GRID1: variants seen among roughly 807,000 people sequenced by gnomAD.
The protein encoded by GRID1 is glutamate ionotropic receptor delta type subunit 1, also known as glutamate receptor ionotropic, delta-1.
In GRID1, 28 loss-of-function variants were observed where a neutral mutation model predicts 98.0. The observed-to-expected ratio is 0.29, with a 90% CI of 0.21 to 0.39. The LOEUF (loss-of-function observed/expected upper bound fraction) is 0.39, where lower values mean the gene tolerates loss of function less well. Ranked by LOEUF, GRID1 falls within the 10% of genes least tolerant of loss-of-function variation. GRID1 has a pLI of 1.00. For missense variants in GRID1, 1,111 were observed against 1,340.5 expected (o/e 0.83, Z 2.67); for synonymous variants, 553 against 538.5 (o/e 1.03, Z -0.37).
chr10:86,169,126 G>A (rs570297799), intron 3 of GRID1, among the ~76,000 whole-genome samples: 17 of 152,328 alleles, frequency 1.1e-4, no homozygotes, highest in African/African-American at 3.8e-4. Flanking sequence ...AGACCGGACT[G>A]CAACAAGAAG....
intron 4 of GRID1, among the ~76,000 whole-genome samples, chr10:85,994,046 C>T (rs1033516249): frequency 6.6e-6 from 1 of 152,194 alleles, no homozygotes; most frequent in Non-Finnish European, 1.5e-5. Flanking sequence ...TCCTGCCCTG[C>T]TGAGCCATCT....
intron 4 of GRID1, among the ~76,000 whole-genome samples, chr10:86,020,807 TG>T (rs996782418): frequency 2.0e-5 from 3 of 152,216 alleles, no homozygotes; most frequent in South Asian, 2.1e-4. Context: ...AGCATCTTCC[TG>T]GTTCCTTGTG....
chr10:86,078,404 G>A (rs1843915487), intron 4 of GRID1, among the ~76,000 whole-genome samples: 1 of 152,236 alleles, frequency 6.6e-6, no homozygotes, highest in Non-Finnish European at 1.5e-5. Flanking sequence ...GGGACGGTCA[G>A]CAGCTGGCTG....
At chr10:86,331,233 T>C (rs1848137092) in intron 2 of GRID1, among the ~76,000 whole-genome samples, 1 of 152,186 alleles carries the variant, frequency 6.6e-6, no homozygotes, top group Non-Finnish European at 1.5e-5. Context: ...TATCATGGCC[T>C]CTTTAAGTGG....
intron 8 of GRID1, among the ~76,000 whole-genome samples, chr10:85,840,396 G>C (rs1249805497): frequency 6.6e-6 from 1 of 151,984 alleles, no homozygotes; most frequent in Admixed American, 6.6e-5. Context: ...AATAGGCAAA[G>C]GCTGGAAGCA....
chr10:86,341,787 G>A (rs536660455), intron 2 of GRID1, among the ~76,000 whole-genome samples: 2 of 152,322 alleles, frequency 1.3e-5, no homozygotes, highest in East Asian at 1.9e-4. Flanking sequence ...GGCCTGGACC[G>A]AGTGGCTTCC....
At chr10:86,226,050 G>A (rs1377723983) in intron 2 of GRID1, among the ~76,000 whole-genome samples, 1 of 152,056 alleles carries the variant, frequency 6.6e-6, no homozygotes, top group Admixed American at 6.5e-5. Flanking sequence ...GACCCTGCAG[G>A]TGGACAGGTA....
Position 86,356,238 on chromosome 10 carries a change from G to A in GRID1, c.235+7703C>T, listed in dbSNP as rs575966466. ...GACAAGTCGCTGAGTACACAGTGGG[G>A]TATCAATGGGAGCCACAGATTCTGC... On this transcript the variant is annotated intron_variant, in intron 2 of 15. Transcript: ENST00000327946. Among the ~76,000 whole-genome samples, 380 of 152,318 alleles carry A rather than the reference G, an allele frequency of 2.5e-3. 9 individuals carry two copies. The highest frequency in any genetic ancestry group is 0.017 in the Middle Eastern group (5 of 294).
chr10:86,208,135 G>C (rs1240926876), intron 2 of GRID1, among the ~76,000 whole-genome samples: 1 of 152,146 alleles, frequency 6.6e-6, no homozygotes, highest in Admixed American at 6.5e-5. Context: ...GGGAACATGT[G>C]GGAAGGGGAG....
intron 4 of GRID1, among the ~76,000 whole-genome samples, chr10:85,988,725 A>T (rs531210724): frequency 5.9e-5 from 9 of 152,300 alleles, no homozygotes; most frequent in African/African-American, 2.2e-4. Context: ...GGGCGCAGGA[A>T]TCTGTAGGGA....
chr10:86,324,190 T>A (rs1209672428), intron 2 of GRID1, among the ~76,000 whole-genome samples: 1 of 151,622 alleles, frequency 6.6e-6, no homozygotes, highest in Admixed American at 6.6e-5. Flanking sequence ...AAAAAAAAAA[T>A]TGGTTTTTAT....
chr10:86,319,839 A>C (rs182296577), intron 2 of GRID1, among the ~76,000 whole-genome samples: 1 of 152,252 alleles, frequency 6.6e-6, no homozygotes, highest in Non-Finnish European at 1.5e-5. Context: ...CTACTCTATC[A>C]AATTCCCTCC....
At chr10:85,620,310 G>A (rs1183887194) in intron 13 of GRID1, among the ~76,000 whole-genome samples, 1 of 152,178 alleles carries the variant, frequency 6.6e-6, no homozygotes, top group Admixed American at 6.5e-5. Flanking sequence ...GCTCTAAGAC[G>A]AGCTTCCTGG....
At chr10:85,977,903 G>A (rs1228411028) in intron 4 of GRID1, among the ~76,000 whole-genome samples, 1 of 152,172 alleles carries the variant, frequency 6.6e-6, no homozygotes, top group Admixed American at 6.5e-5. Flanking sequence ...CAGAGGTCTG[G>A]TCTATCTAGT....
intron 3 of GRID1, among the ~76,000 whole-genome samples, chr10:86,179,636 C>T (rs984286974): frequency 3.3e-5 from 5 of 152,204 alleles, no homozygotes; most frequent in Admixed American, 2.0e-4. Flanking sequence ...CAACTGGCCA[C>T]GGGACAGTGT....
chr10:86,155,002 C>T lies in GRID1; in HGVS notation c.521-15978G>A, dbSNP rs1444459598. The stretch of plus-strand genomic sequence containing the variant: ...GGCTTGGAGAGGTGAGTGCCAATGC[C>T]ACAATTCAAGTCCAAGTCAGTCTGA... On this transcript the variant is annotated intron_variant, in intron 3 of 15. Coordinates refer to ENST00000327946, the MANE Select transcript of GRID1 (RefSeq NM_017551.3). Among the ~76,000 whole-genome samples, 4 of 152,214 alleles carry T rather than the reference C, an allele frequency of 2.6e-5. No homozygotes were observed. The East Asian group carries it at 7.7e-4, about 29-fold the overall frequency.
chr10:85,616,554 T>A (rs1267503226), intron 14 of GRID1, among the ~76,000 whole-genome samples: 1 of 152,200 alleles, frequency 6.6e-6, no homozygotes, highest in Non-Finnish European at 1.5e-5. Flanking sequence ...CTGCTCCCTA[T>A]AATTGTATGC....
chr10:85,656,040 C>A (rs1304507536), intron 12 of GRID1, among the ~76,000 whole-genome samples: 1 of 151,958 alleles, frequency 6.6e-6, no homozygotes, highest in African/African-American at 2.4e-5. Context: ...ACCCTTCCAG[C>A]TCTTCTTCCG....
chr10:85,958,711 A>C (rs1842225908), intron 4 of GRID1, among the ~76,000 whole-genome samples: 1 of 152,156 alleles, frequency 6.6e-6, no homozygotes, highest in Non-Finnish European at 1.5e-5. Context: ...TAATCCCAGC[A>C]CTTCGGGAGG....
Sources: allele counts gnomAD v4.1 joint callset (sites outside exome capture counted in the v4.1 genomes callset), GRCh38; gene constraint gnomAD v4.1.1; transcripts MANE v1.5; gene names NCBI Gene and HGNC (gene_info 2026-07-23, HGNC 2026-07-21).